Variants in CSMD1 observed in about 807,000 individuals in gnomAD.
The protein encoded by CSMD1 is CUB and Sushi multiple domains 1, also known as CUB and sushi domain-containing protein 1.
A neutral mutation model predicts 417.5 loss-of-function variants in CSMD1; 213 were observed. That is an observed-to-expected ratio of 0.51 (90% confidence interval 0.46 to 0.57). The LOEUF (loss-of-function observed/expected upper bound fraction) is 0.57. Among genes scored for constraint, CSMD1 ranks in the 20% least tolerant of loss-of-function variants. The pLI, the probability that CSMD1 is intolerant of heterozygous loss-of-function variation, is 0.00. For missense variants in CSMD1, 6,923 were observed against 4,529.7 expected, an observed-to-expected ratio of 1.53 and a Z score of -15.17; for synonymous variants, 2,862 against 1,736.8, an observed-to-expected ratio of 1.65 and a Z score of -16.11.
At chr8:4,644,308 T>G (rs1395352655) in intron 1 of CSMD1, among the ~76,000 whole-genome samples, 1 of 152,152 alleles carries the variant, frequency 6.6e-6, no homozygotes, top group East Asian at 1.9e-4. Flanking sequence ...TGCCCAGATT[T>G]TTTCATTGAG....
rs6558835 is a variant in CSMD1 at position 4,044,110 on chromosome 8, A to C, written c.416-12011T>G. The stretch of plus-strand genomic sequence containing the variant: ...TGTCTCTGTGATATTATTTGATATG[A>C]TATTTTCTGGCTCACATGTTCTCAT... On this transcript the variant is annotated intron_variant, in intron 3 of 69. Transcript: ENST00000635120. Among the ~76,000 whole-genome samples, 586 of 152,106 alleles carry C rather than the reference A, an allele frequency of 3.9e-3. 3 individuals are homozygous for C. Among genetic ancestry groups the C allele is most frequent in the African/African-American group, 0.014 (565 of 41,496 alleles).
At chr8:2,963,125 A>G in intron 60 of CSMD1, 97 bp downstream of exon 60, 1 of 1,338,452 alleles carries the variant, frequency 7.5e-7, no homozygotes, top group Non-Finnish European at 1.1e-6. Flanking sequence ...ATTACCCACC[A>G]GGAAGGTCCT....
chr8:4,739,920 G>A (rs923593473), intron 1 of CSMD1, among the ~76,000 whole-genome samples: 6 of 152,040 alleles, frequency 3.9e-5, no homozygotes, highest in African/African-American at 1.2e-4. Flanking sequence ...CCCTTCTTCA[G>A]TTGCTCTCTG....
chr8:4,230,085 T>C (rs188675914), intron 3 of CSMD1, among the ~76,000 whole-genome samples: 14 of 152,320 alleles, frequency 9.2e-5, no homozygotes, highest in Admixed American at 1.3e-4. Context: ...ACAAGCTTAT[T>C]AGACTACAAG....
At chr8:4,016,958 A>G (rs1440717366) in intron 4 of CSMD1, among the ~76,000 whole-genome samples, 1 of 152,222 alleles carries the variant, frequency 6.6e-6, no homozygotes, top group Non-Finnish European at 1.5e-5. Flanking sequence ...CCTTAAAGTC[A>G]AAATCCCTAA....
chr8:4,235,121 C>A (rs576059183), intron 3 of CSMD1, among the ~76,000 whole-genome samples: 23 of 152,204 alleles, frequency 1.5e-4, no homozygotes, highest in African/African-American at 4.1e-4. Flanking sequence ...TTGCTTTAAT[C>A]CTAGAAAAAA....
chr8:3,615,793 G>C (rs80084508), intron 8 of CSMD1, among the ~76,000 whole-genome samples: 3 of 151,922 alleles, frequency 2.0e-5, no homozygotes. Context: ...ATTGTAAGAA[G>C]GAAAAACACA....
intron 5 of CSMD1, among the ~76,000 whole-genome samples, chr8:3,773,796 A>C (rs1303821682): frequency 6.6e-6 from 1 of 152,186 alleles, no homozygotes; most frequent in Non-Finnish European, 1.5e-5. Context: ...TTCAAGTGGC[A>C]GGCCCATCTA....
At chr8:3,084,010 C>G (rs1009985986) in intron 49 of CSMD1, among the ~76,000 whole-genome samples, 6 of 152,038 alleles carry the variant, frequency 3.9e-5, no homozygotes, top group Non-Finnish European at 8.8e-5. Flanking sequence ...TGGAAGGAAA[C>G]AAATCTTTTT....
At chr8:3,774,529 G>T (rs962196517) in intron 5 of CSMD1, among the ~76,000 whole-genome samples, 1 of 152,126 alleles carries the variant, frequency 6.6e-6, no homozygotes, top group Non-Finnish European at 1.5e-5. Context: ...ACATGAATTG[G>T]TATTAATCTT....
intron 1 of CSMD1, among the ~76,000 whole-genome samples, chr8:4,775,782 G>A (rs1284996272): frequency 2.0e-5 from 3 of 152,198 alleles, no homozygotes; most frequent in African/African-American, 7.2e-5. Context: ...GGATGTGGAT[G>A]CACTGGGGAT....
chr8:4,212,260 G>A (rs926234891), intron 3 of CSMD1, among the ~76,000 whole-genome samples: 2 of 151,164 alleles, frequency 1.3e-5, no homozygotes, highest in East Asian at 3.9e-4. Flanking sequence ...TTAACTGACT[G>A]ACTCAGATAA....
rs755025155 is a variant in CSMD1, at chr8:4,578,192, G to T, written c.302+59150C>A. Among the ~76,000 whole-genome samples the T allele has an allele frequency of 4.6e-5, 7 of 151,922 alleles. No individual in the cohort carries two copies. In the East Asian group the frequency reaches 1.2e-3, roughly 25 times the overall value. On this transcript the variant is annotated intron_variant, in intron 2 of 69. Coordinates refer to ENST00000635120, the MANE Select transcript of CSMD1 (RefSeq NM_033225.6). ...TTGTTCTTTTTTGAGAGGAAGTCTCGCTCTGTTGCCCACGCTGGAGTGCAG... is the reference window on the plus strand; with the variant it reads ...TTGTTCTTTTTTGAGAGGAAGTCTCTCTCTGTTGCCCACGCTGGAGTGCAG...
intron 8 of CSMD1, among the ~76,000 whole-genome samples, chr8:3,597,182 T>G (rs1041434566): frequency 6.6e-6 from 1 of 152,088 alleles, no homozygotes; most frequent in East Asian, 1.9e-4. Context: ...GGTCATACTT[T>G]GAGAAGGGGA....
At chr8:3,117,657 A>G (rs747487988) in intron 42 of CSMD1, among the ~76,000 whole-genome samples, 3 of 152,312 alleles carry the variant, frequency 2.0e-5, no homozygotes, top group Admixed American at 6.5e-5. Context: ...AAAAAATGTC[A>G]AAGTCATCAT....
intron 50 of CSMD1, among the ~76,000 whole-genome samples, chr8:3,031,970 G>C (rs915405979): frequency 2.6e-4 from 35 of 134,416 alleles, no homozygotes; most frequent in African/African-American, 8.4e-4. Context: ...GTGTGTATGT[G>C]TGTGTATATA....
intron 5 of CSMD1, among the ~76,000 whole-genome samples, chr8:3,951,913 C>T (rs1249071038): frequency 6.6e-6 from 1 of 150,952 alleles, no homozygotes; most frequent in East Asian, 1.9e-4. Context: ...CTTAAATAAC[C>T]AGTTTCCCAG....
chr8:4,301,992 T>C (rs915393735), intron 3 of CSMD1, among the ~76,000 whole-genome samples: 1 of 152,246 alleles, frequency 6.6e-6, no homozygotes, highest in East Asian at 1.9e-4. Flanking sequence ...TCAGATATGT[T>C]AGAACAAGTT....
At chr8:3,746,390 C>T (rs1025457034) in intron 6 of CSMD1, among the ~76,000 whole-genome samples, 3 of 152,168 alleles carry the variant, frequency 2.0e-5, no homozygotes, top group East Asian at 1.9e-4. Flanking sequence ...CCATTGTTGG[C>T]CCCCAATTAT....
Sources: allele counts gnomAD v4.1 joint callset (sites outside exome capture counted in the v4.1 genomes callset), GRCh38; gene constraint gnomAD v4.1.1; transcripts MANE v1.5; gene names NCBI Gene and HGNC (gene_info 2026-07-23, HGNC 2026-07-21).